Variants in SPAG16 observed in about 807,000 individuals in gnomAD.
SPAG16 encodes the protein sperm-associated antigen 16 protein.
Under a neutral mutation model 80.4 loss-of-function variants are expected in SPAG16, and 86 were observed. The observed-to-expected ratio is 1.07, with a 90% CI of 0.90 to 1.28. The LOEUF (loss-of-function observed/expected upper bound fraction) is 1.28. Among genes scored for constraint, SPAG16 ranks in the 50% most tolerant of loss-of-function variants. The pLI, the probability that SPAG16 is intolerant of heterozygous loss-of-function variation, is 0.00. For missense variants in SPAG16, 870 were observed against 765.3 expected (o/e 1.14, Z -1.61); for synonymous variants, 294 against 265.9 (o/e 1.11, Z -1.03).
chr2:214,034,771 G>A (rs750224186), intron 13 of SPAG16, among the ~76,000 whole-genome samples: 5 of 152,300 alleles, frequency 3.3e-5, no homozygotes, highest in South Asian at 4.1e-4. Flanking sequence ...AGGATGTCAC[G>A]GCCCTGGCTT....
intron 10 of SPAG16, among the ~76,000 whole-genome samples, chr2:213,780,571 C>CTTTTTTTTTTT (rs367744311): frequency 3.2e-4 from 40 of 124,502 alleles, no homozygotes; most frequent in Non-Finnish European, 4.0e-4. Context: ...TCTTTTCTTT[C>CTTTTTTTTTTT]TTTTTTTTTT....
chr2:213,362,124 A>T (rs2066016096), intron 7 of SPAG16, among the ~76,000 whole-genome samples: 1 of 152,212 alleles, frequency 6.6e-6, no homozygotes, highest in African/African-American at 2.4e-5. Context: ...GGCTGTTGAC[A>T]CTCAAACATC....
At chr2:213,978,994 GAGAGAA>G (rs1472428915) in intron 12 of SPAG16, among the ~76,000 whole-genome samples, 1 of 138,650 alleles carries the variant, frequency 7.2e-6, no homozygotes, top group East Asian at 2.3e-4. Flanking sequence ...GGGAGGGAGA[GAGAGAA>G]AGAGAGGAGA....
chr2:213,333,293 C>T lies in SPAG16; in HGVS notation c.537-6870C>T, dbSNP rs552714590. The stretch of plus-strand genomic sequence containing the variant: ...ATAAAATTAGATAGGAAGTAACAAG[C>T]AAATAAATGAAATATCTCTACAATG... On this transcript the variant is annotated intron_variant, in intron 5 of 15. Transcript: ENST00000331683. Among the ~76,000 whole-genome samples, 12 of 152,016 alleles carry T rather than the reference C, an allele frequency of 7.9e-5. No homozygotes were observed. The East Asian group carries it at 2.3e-3, about 29-fold the overall frequency.
At chr2:214,144,353 T>C (rs2055522488) in intron 14 of SPAG16, among the ~76,000 whole-genome samples, 1 of 152,170 alleles carries the variant, frequency 6.6e-6, no homozygotes, top group African/African-American at 2.4e-5. Flanking sequence ...CATTTAATCA[T>C]TGTACATGTG....
intron 14 of SPAG16, among the ~76,000 whole-genome samples, chr2:214,133,424 C>T (rs2054886611): frequency 1.3e-5 from 2 of 152,094 alleles, no homozygotes; most frequent in South Asian, 2.1e-4. Flanking sequence ...TTTGGGAGGT[C>T]GAGGAAGGCA....
chr2:214,055,210 C>G (rs972390041), intron 13 of SPAG16, among the ~76,000 whole-genome samples: 1 of 152,124 alleles, frequency 6.6e-6, no homozygotes, highest in Non-Finnish European at 1.5e-5. Flanking sequence ...ATACCCTACT[C>G]TACTTGAAAT....
intron 10 of SPAG16, among the ~76,000 whole-genome samples, chr2:213,797,678 A>G (rs1041314237): frequency 3.3e-5 from 5 of 152,216 alleles, no homozygotes; most frequent in African/African-American, 1.2e-4. Flanking sequence ...CCCATCATTA[A>G]ACAATGAATG....
chr2:214,381,779 C>T (rs2126109247), intron 15 of SPAG16, among the ~76,000 whole-genome samples: 1 of 152,284 alleles, frequency 6.6e-6, no homozygotes, highest in Middle Eastern at 3.4e-3. Context: ...CCAAACAAAG[C>T]AAAGCTAAAG....
intron 9 of SPAG16, among the ~76,000 whole-genome samples, chr2:213,415,889 A>T (rs1684321391): frequency 6.6e-6 from 1 of 152,226 alleles, no homozygotes; most frequent in Non-Finnish European, 1.5e-5. Flanking sequence ...ACTTGGTTGC[A>T]ATTAAGGCAG....
At chr2:214,108,061 A>T in intron 13 of SPAG16, 135 bp from the exon 14 acceptor site, 1 of 628,184 alleles carries the variant, frequency 1.6e-6, no homozygotes. Flanking sequence ...CAAAAGCTAG[A>T]ATTTTCTATG....
intron 15 of SPAG16, among the ~76,000 whole-genome samples, chr2:214,329,965 A>C (rs1032671413): frequency 6.6e-5 from 10 of 152,064 alleles, no homozygotes; most frequent in African/African-American, 2.2e-4. Flanking sequence ...GAAAGTAGGC[A>C]ATTTAAAATG....
chr2:213,412,889 T>C (rs1276268636), intron 9 of SPAG16, among the ~76,000 whole-genome samples: 1 of 152,206 alleles, frequency 6.6e-6, no homozygotes, highest in South Asian at 2.1e-4. Flanking sequence ...ATATGAATTG[T>C]CTCATCCAAA....
At chr2:213,620,180 A>T (rs911126328) in intron 10 of SPAG16, among the ~76,000 whole-genome samples, 7 of 152,166 alleles carry the variant, frequency 4.6e-5, no homozygotes, top group Admixed American at 6.5e-5. Context: ...GGGAAAGAAA[A>T]AAAGGTTGGT....
chr2:213,773,484 C>T (rs2069379710), intron 10 of SPAG16, among the ~76,000 whole-genome samples: 1 of 152,130 alleles, frequency 6.6e-6, no homozygotes, highest in African/African-American at 2.4e-5. Context: ...GACGTTTGCT[C>T]ATGGCATAAT....
At chr2:213,786,864 T>C (rs189650293) in intron 10 of SPAG16, among the ~76,000 whole-genome samples, 1 of 152,100 alleles carries the variant, frequency 6.6e-6, no homozygotes, top group African/African-American at 2.4e-5. Flanking sequence ...ATACAATAAA[T>C]TTATTGAGGA....
rs530535391 is a variant in SPAG16 at position 213,705,757 on chromosome 2, A to G, written c.1071-156728A>G. The stretch of plus-strand genomic sequence containing the variant: ...TATAACATCTTGGAGCTCTCAAATA[A>G]AAAGAGGAGAGCCAATCATGGTGGA... On this transcript the variant is annotated intron_variant, in intron 10 of 15. Transcript: ENST00000331683. Among the ~76,000 whole-genome samples the G allele has an allele frequency of 5.8e-4, 87 of 149,608 alleles. No individual in the cohort carries two copies. The South Asian group carries it at 0.017, about 29-fold the overall frequency.
At chr2:214,149,765 G>A (rs2055885673) in intron 15 of SPAG16, among the ~76,000 whole-genome samples, 1 of 151,946 alleles carries the variant, frequency 6.6e-6, no homozygotes, top group Non-Finnish European at 1.5e-5. Context: ...TATGTGCTGT[G>A]CATTCTATAA....
At chr2:213,328,440 G>A (rs1191810672) in intron 5 of SPAG16, among the ~76,000 whole-genome samples, 1 of 152,054 alleles carries the variant, frequency 6.6e-6, no homozygotes, top group Non-Finnish European at 1.5e-5. Flanking sequence ...TTCTAAATGA[G>A]AATTCAAGTG....
Sources: allele counts gnomAD v4.1 joint callset (sites outside exome capture counted in the v4.1 genomes callset), GRCh38; gene constraint gnomAD v4.1.1; transcripts MANE v1.5; gene names NCBI Gene and HGNC (gene_info 2026-07-23, HGNC 2026-07-21).